The following MYO1D variants were observed in gnomAD, a reference collection of about 807,000 sequenced individuals.
The protein encoded by MYO1D is unconventional myosin-Id.
Under a neutral mutation model 122.0 loss-of-function variants are expected in MYO1D, and 83 were observed. The observed-to-expected ratio is 0.68, with a 90% confidence interval of 0.57 to 0.82. The LOEUF (loss-of-function observed/expected upper bound fraction) is 0.82, where lower values mean the gene tolerates loss of function less well. Ranked by LOEUF, MYO1D falls within the 40% of genes least tolerant of loss-of-function variation. The probability of loss-of-function intolerance (pLI) is 0.00; values close to 1 mark genes in which losing one functional copy is unlikely to be tolerated. For synonymous variants in MYO1D, 464 were observed against 446.9 expected (o/e 1.04, Z -0.48); for missense variants, 1,157 against 1,269.5 (o/e 0.91, Z 1.35).
At position 32,583,639 on chromosome 17, in the gene MYO1D, T is replaced by G. The variant is rs116242032; in HGVS notation, c.2864+21448A>C. On this transcript the variant is annotated intron_variant, in intron 21 of 21. Coordinates refer to ENST00000318217, the MANE Select transcript of MYO1D (RefSeq NM_015194.3). Reference sequence around the variant, plus strand: ...CTTTAAATTCACCAATTTTTAGTTCTGTAATATCTAATGTGCTGTTACTCC... The same window carrying G: ...CTTTAAATTCACCAATTTTTAGTTCGGTAATATCTAATGTGCTGTTACTCC... Among the ~76,000 whole-genome samples the G allele has an allele frequency of 9.6e-3, 1,456 of 152,322 alleles. 24 individuals are homozygous for G. Among genetic ancestry groups the G allele is most frequent in the African/African-American group, 0.033 (1,388 of 41,570 alleles).
chr17:32,812,947 C>A (rs1450173453), intron 1 of MYO1D, among the ~76,000 whole-genome samples: 2 of 152,196 alleles, frequency 1.3e-5, no homozygotes, highest in Non-Finnish European at 2.9e-5. Context: ...TTTTCATGAA[C>A]AATTTTGCCA....
chr17:32,520,767 A>G (rs966069284), intron 21 of MYO1D, among the ~76,000 whole-genome samples: 2 of 152,258 alleles, frequency 1.3e-5, no homozygotes, highest in Non-Finnish European at 2.9e-5. Context: ...CCTAGAAGCC[A>G]CTGTGGTATC....
chr17:32,612,641 G>A (rs1215147353), intron 20 of MYO1D, among the ~76,000 whole-genome samples: 14 of 125,988 alleles, frequency 1.1e-4, no homozygotes, highest in African/African-American at 4.3e-4. Context: ...AGCTGATCAC[G>A]CCACTGCACT....
At chr17:32,760,772 A>C in intron 8 of MYO1D, 145 bp from the exon 9 acceptor site, 5 of 826,064 alleles carry the variant, frequency 6.1e-6, no homozygotes, top group Non-Finnish European at 8.9e-6. Flanking sequence ...GAAAATGTAG[A>C]CTGTCCATTT....
chr17:32,737,293 C>A (rs2089714852), intron 14 of MYO1D, among the ~76,000 whole-genome samples: 1 of 151,140 alleles, frequency 6.6e-6, no homozygotes, highest in South Asian at 2.1e-4. Flanking sequence ...AAAAAACAGA[C>A]AAAAGTTATC....
At chr17:32,760,018 C>T (rs985533088) in intron 10 of MYO1D, 3 of 653,520 alleles carry the variant, frequency 4.6e-6, no homozygotes, top group Non-Finnish European at 8.2e-6. Flanking sequence ...CAGATATAAA[C>T]CAGTAAGTCC....
At position 32,553,115 on chromosome 17, in the gene MYO1D, C is replaced by CA. The variant is rs1237857478; in HGVS notation, c.2864+51971dup. The stretch of plus-strand genomic sequence containing the variant: ...ACAAAAAACAAAACAAAAAAAAAAA[C>CA]AAAAAAACCAGCAGCATGTCATAGG... On this transcript the variant is annotated intron_variant, in intron 21 of 21. Coordinates refer to ENST00000318217, the MANE Select transcript of MYO1D (RefSeq NM_015194.3). Among the ~76,000 whole-genome samples the CA allele has an allele frequency of 5.6e-5, 7 of 125,178 alleles. No individual in the cohort carries two copies. The East Asian group carries it at 1.3e-3, about 24-fold the overall frequency. The allele number at this position is 125,178 out of a possible 152,430, so 82.1% of individuals were successfully genotyped here. A position where few individuals can be genotyped will look rare whatever the true frequency, so the allele number is the denominator to read the frequency against.
At chr17:32,836,928 T>C (rs1598143208) in intron 1 of MYO1D, among the ~76,000 whole-genome samples, 2 of 152,150 alleles carry the variant, frequency 1.3e-5, no homozygotes, top group Admixed American at 6.5e-5. Context: ...CGCTAGGTCA[T>C]AGGATAGGTA....
chr17:32,659,365 A>T (rs1341557615), intron 16 of MYO1D, 27 bp from the exon 17 acceptor site: 1 of 1,607,674 alleles, frequency 6.2e-7, no homozygotes, highest in South Asian at 1.1e-5. Context: ...GAAAAAGGAA[A>T]ACGTTATTGA....
At chr17:32,501,844 C>G (rs145423546) in intron 21 of MYO1D, among the ~76,000 whole-genome samples, 1 of 152,110 alleles carries the variant, frequency 6.6e-6, no homozygotes, top group Admixed American at 6.5e-5. Flanking sequence ...TTAATTGAAC[C>G]CAAAGAGGAG....
chr17:32,557,104 G>A (rs1480648829), intron 21 of MYO1D, among the ~76,000 whole-genome samples: 2 of 149,068 alleles, frequency 1.3e-5, no homozygotes, highest in African/African-American at 2.5e-5. Context: ...CCTTTCACTC[G>A]GCAGGCTTAG....
intron 20 of MYO1D, among the ~76,000 whole-genome samples, chr17:32,610,876 G>C (rs904227162): frequency 1.3e-5 from 2 of 152,114 alleles, no homozygotes; most frequent in Non-Finnish European, 2.9e-5. Context: ...GCGTTTCTCC[G>C]AACAAAAGGG....
chr17:32,852,939 C>A (rs572472343), intron 1 of MYO1D, among the ~76,000 whole-genome samples: 1 of 152,110 alleles, frequency 6.6e-6, no homozygotes, highest in Non-Finnish European at 1.5e-5. Context: ...GACTGTAACA[C>A]CTATGTCCTG....
chr17:32,875,286 T>C (rs1296252603), intron 1 of MYO1D, among the ~76,000 whole-genome samples: 4 of 152,236 alleles, frequency 2.6e-5, no homozygotes, highest in African/African-American at 9.7e-5. Context: ...CCTTAATCTA[T>C]GAAATTGCTA....
intron 1 of MYO1D, among the ~76,000 whole-genome samples, chr17:32,832,456 C>T (rs915878355): frequency 4.6e-5 from 7 of 152,004 alleles, no homozygotes; most frequent in African/African-American, 1.5e-4. Context: ...CCCGCCACCA[C>T]GCCCAGCTAA....
chr17:32,645,109 T>A (rs1382161727), intron 19 of MYO1D, among the ~76,000 whole-genome samples: 1 of 152,176 alleles, frequency 6.6e-6, no homozygotes, highest in East Asian at 1.9e-4. Flanking sequence ...GCAGGCCTGG[T>A]GGTGACAAAA....
At chr17:32,771,867 C>G (rs1175824651) in intron 5 of MYO1D, among the ~76,000 whole-genome samples, 6 of 152,182 alleles carry the variant, frequency 3.9e-5, no homozygotes, top group African/African-American at 1.4e-4. Flanking sequence ...AAATTGCCAA[C>G]AGAACCATAA....
intron 20 of MYO1D, among the ~76,000 whole-genome samples, chr17:32,612,696 C>CAAAAAA (rs1158470135): frequency 1.1e-4 from 12 of 104,618 alleles, no homozygotes; most frequent in African/African-American, 1.5e-4. Context: ...AAAAAAAAAA[C>CAAAAAA]AAAAAAAAAA....
At chr17:32,787,900 T>C (rs540486244) in intron 1 of MYO1D, among the ~76,000 whole-genome samples, 4 of 152,254 alleles carry the variant, frequency 2.6e-5, no homozygotes, top group Non-Finnish European at 5.9e-5. Flanking sequence ...TCCAGCTCCA[T>C]TCAAGTTGTT....
Sources: allele counts gnomAD v4.1 joint callset (sites outside exome capture counted in the v4.1 genomes callset), GRCh38; gene constraint gnomAD v4.1.1; transcripts MANE v1.5; gene names NCBI Gene and HGNC (gene_info 2026-07-23, HGNC 2026-07-21).